The following CSMD1 variants were observed in gnomAD, a reference collection of about 807,000 sequenced individuals.
The protein encoded by CSMD1 is CUB and Sushi multiple domains 1.
CSMD1 carries 213 observed loss-of-function variants against 417.5 expected under a neutral mutation model. The ratio of observed to expected loss-of-function variants is 0.51; its 90% CI spans 0.46 to 0.57. The LOEUF (loss-of-function observed/expected upper bound fraction) is 0.57. Among genes scored for constraint, CSMD1 ranks in the 20% least tolerant of loss-of-function variants. CSMD1 has a pLI of 0.00. For synonymous variants in CSMD1, 2,862 were observed against 1,736.8 expected (o/e 1.65, Z -16.11); for missense variants, 6,923 against 4,529.7 (o/e 1.53, Z -15.17).
chr8:4,912,881 G>A (rs968525864), intron 1 of CSMD1, among the ~76,000 whole-genome samples: 2 of 152,090 alleles, frequency 1.3e-5, no homozygotes, highest in African/African-American at 2.4e-5. Flanking sequence ...CACCTCCTGG[G>A]TTCAAGTAAT....
chr8:4,769,302 T>G (rs902430321), intron 1 of CSMD1, among the ~76,000 whole-genome samples: 1 of 152,170 alleles, frequency 6.6e-6, no homozygotes, highest in Non-Finnish European at 1.5e-5. Flanking sequence ...GGAATCTTTC[T>G]CAGTGTGATT....
At chr8:3,643,579 T>C (rs943654276) in intron 7 of CSMD1, among the ~76,000 whole-genome samples, 1 of 151,626 alleles carries the variant, frequency 6.6e-6, no homozygotes, top group Non-Finnish European at 1.5e-5. Flanking sequence ...CGGGCGCCTG[T>C]AGTCCCAACT....
At chr8:4,168,454 G>C (rs577862016) in intron 3 of CSMD1, among the ~76,000 whole-genome samples, 2 of 151,708 alleles carry the variant, frequency 1.3e-5, no homozygotes, top group East Asian at 3.9e-4. Flanking sequence ...GCAATATAAC[G>C]TATTTTTAGA....
At position 3,374,703 on chromosome 8, in the gene CSMD1, C is replaced by T. The variant is rs147280761; in HGVS notation, c.2783-5333G>A. On this transcript the variant is annotated intron_variant, in intron 18 of 69. Transcript: ENST00000635120. Reference sequence around the variant, plus strand: ...GCAACCCTATGGTAGCAGGGTGCCCCGAGACAGGCTGTCTGCTGAGGTTTC... The same window carrying T: ...GCAACCCTATGGTAGCAGGGTGCCCTGAGACAGGCTGTCTGCTGAGGTTTC... Among the ~76,000 whole-genome samples, 13 of 152,198 alleles carry T rather than the reference C, an allele frequency of 8.5e-5. No homozygotes were observed. In the South Asian group the frequency reaches 1.5e-3, roughly 17 times the overall value.
At chr8:4,368,189 G>A (rs971923430) in intron 3 of CSMD1, among the ~76,000 whole-genome samples, 8 of 152,102 alleles carry the variant, frequency 5.3e-5, no homozygotes, top group Non-Finnish European at 1.2e-4. Context: ...TTTGTTGAGG[G>A]TTTTTAACAT....
chr8:4,139,300 C>T (rs1298968578), intron 3 of CSMD1, among the ~76,000 whole-genome samples: 2 of 152,168 alleles, frequency 1.3e-5, no homozygotes, highest in East Asian at 1.9e-4. Flanking sequence ...TGTCTTACAG[C>T]TGTCGTTATA....
At chr8:3,936,017 A>G (rs1810467414) in intron 5 of CSMD1, among the ~76,000 whole-genome samples, 1 of 152,168 alleles carries the variant, frequency 6.6e-6, no homozygotes, top group Non-Finnish European at 1.5e-5. Flanking sequence ...AAGAAAGGAA[A>G]ACAGCCTTAT....
chr8:3,360,859 T>G (rs1809114733), intron 20 of CSMD1, among the ~76,000 whole-genome samples: 1 of 152,122 alleles, frequency 6.6e-6, no homozygotes, highest in African/African-American at 2.4e-5. Context: ...TCCTTCTTTT[T>G]TTTTTTTTTA....
intron 26 of CSMD1, among the ~76,000 whole-genome samples, chr8:3,236,128 C>G (rs899422966): frequency 2.6e-5 from 4 of 151,884 alleles, no homozygotes; most frequent in Admixed American, 2.0e-4. Context: ...CCATGTTAGC[C>G]AGGAGAGTCT....
intron 3 of CSMD1, among the ~76,000 whole-genome samples, chr8:4,257,220 G>T (rs1460256613): frequency 6.6e-6 from 1 of 152,042 alleles, no homozygotes; most frequent in Non-Finnish European, 1.5e-5. Flanking sequence ...TTTATTGAAA[G>T]AGACTAATAC....
chr8:3,537,289 C>T (rs554994251), intron 10 of CSMD1, among the ~76,000 whole-genome samples: 27 of 152,328 alleles, frequency 1.8e-4, no homozygotes, highest in African/African-American at 5.5e-4. Flanking sequence ...AGGCATGAGC[C>T]ATCATGCCCG....
At chr8:4,088,462 T>G (rs1247731547) in intron 3 of CSMD1, among the ~76,000 whole-genome samples, 1 of 152,198 alleles carries the variant, frequency 6.6e-6, no homozygotes, top group Non-Finnish European at 1.5e-5. Flanking sequence ...CTCTATCCAT[T>G]CCCCAACATC....
At chr8:4,096,252 C>A (rs1246372110) in intron 3 of CSMD1, among the ~76,000 whole-genome samples, 1 of 152,050 alleles carries the variant, frequency 6.6e-6, no homozygotes, top group African/African-American at 2.4e-5. Flanking sequence ...ACTTTCCCTG[C>A]TAGCTCTTGA....
At chr8:3,047,213 C>CAAAA (rs749861179) in intron 50 of CSMD1, among the ~76,000 whole-genome samples, 5 of 73,064 alleles carry the variant, frequency 6.8e-5, no homozygotes, top group African/African-American at 2.1e-4. Context: ...GACTCCCTCT[C>CAAAA]AAAAAAAAAA....
chr8:3,175,767 G>A (rs1820900756), intron 37 of CSMD1, among the ~76,000 whole-genome samples: 2 of 152,080 alleles, frequency 1.3e-5, no homozygotes, highest in South Asian at 2.1e-4. Flanking sequence ...ACTTAAATTT[G>A]CTTTGCAGAA....
intron 1 of CSMD1, among the ~76,000 whole-genome samples, chr8:4,926,783 G>C (rs182006451): frequency 6.6e-6 from 1 of 151,946 alleles, no homozygotes; most frequent in Non-Finnish European, 1.5e-5. Context: ...TCATCTCTCT[G>C]TATTGGGATG....
intron 3 of CSMD1, among the ~76,000 whole-genome samples, chr8:4,281,902 G>C (rs1275502304): frequency 6.6e-6 from 1 of 152,174 alleles, no homozygotes; most frequent in Non-Finnish European, 1.5e-5. Flanking sequence ...GGCTTATAAA[G>C]GTTAAGTGAC....
intron 3 of CSMD1, among the ~76,000 whole-genome samples, chr8:4,090,980 G>A (rs1391976880): frequency 6.6e-6 from 1 of 151,200 alleles, no homozygotes; most frequent in Non-Finnish European, 1.5e-5. Flanking sequence ...GTGCAGCGGT[G>A]CAATCCTGGC....
At chr8:3,168,105 G>A (rs1399798343) in intron 37 of CSMD1, among the ~76,000 whole-genome samples, 1 of 151,448 alleles carries the variant, frequency 6.6e-6, no homozygotes, top group Non-Finnish European at 1.5e-5. Context: ...CAAAAAAGTT[G>A]ATAAGCAGAG....
Sources: allele counts gnomAD v4.1 joint callset (sites outside exome capture counted in the v4.1 genomes callset), GRCh38; gene constraint gnomAD v4.1.1; transcripts MANE v1.5; gene names NCBI Gene and HGNC (gene_info 2026-07-23, HGNC 2026-07-21).